Variants in INTS6 observed in about 807,000 individuals in gnomAD.
The protein encoded by INTS6 is integrator complex subunit 6.
In INTS6, 16 loss-of-function variants were observed where a neutral mutation model predicts 104.9. The observed-to-expected ratio is 0.15, with a 90% CI of 0.10 to 0.23. The LOEUF is 0.23. Among genes scored for constraint, INTS6 ranks in the 10% least tolerant of loss-of-function variants. INTS6 has a pLI of 1.00. For missense variants in INTS6, 584 were observed against 1,062.8 expected, an observed-to-expected ratio of 0.55 and a Z score of 6.26; for synonymous variants, 324 against 358.7, an observed-to-expected ratio of 0.90 and a Z score of 1.09.
intron 3 of INTS6, chr13:51,439,932 GAGTGTA>G (rs1279865104): frequency 6.6e-6 from 1 of 152,090 alleles, no homozygotes; most frequent in African/African-American, 2.4e-5. Context: ...CTAGAAAAAT[GAGTGTA>G]AGTCTTAGTT....
At chr13:51,412,688 C>T (rs146546428) in intron 4 of INTS6, among the ~76,000 whole-genome samples, 29 of 152,214 alleles carry the variant, frequency 1.9e-4, no homozygotes, top group African/African-American at 6.3e-4. Flanking sequence ...ATAAGGGATA[C>T]CTGAAGTACT....
chr13:51,402,641 A>T (rs1309196653), intron 4 of INTS6: 1 of 152,220 alleles, frequency 6.6e-6, no homozygotes, highest in Admixed American at 6.5e-5. Context: ...TTACGTCATC[A>T]TCTTCGTAGC....
chr13:51,377,275 T>C (rs1014352508), intron 12 of INTS6, among the ~76,000 whole-genome samples: 2 of 152,138 alleles, frequency 1.3e-5, no homozygotes, highest in African/African-American at 4.8e-5. Context: ...ACAAGTCCTT[T>C]ATTTGATATG....
At chr13:51,369,340 T>C (rs1364355929) in intron 15 of INTS6, 30 bp from the exon 16 acceptor site, 4 of 1,570,066 alleles carry the variant, frequency 2.5e-6, no homozygotes, top group Non-Finnish European at 3.5e-6. Context: ...GAAAAAATTA[T>C]GGGATCCAGT....
At chr13:51,355,000 G>C (rs1566195008) in intron 3 of INTS6, 1 of 976,238 alleles carries the variant, frequency 1.0e-6, no homozygotes, top group African/African-American at 1.6e-5. Context: ...AAAGTATATT[G>C]AGTGAGAATT....
intron 12 of INTS6, among the ~76,000 whole-genome samples, chr13:51,377,518 G>C (rs1010834443): frequency 6.6e-6 from 1 of 151,970 alleles, no homozygotes; most frequent in African/African-American, 2.4e-5. Context: ...TGAGGTAATG[G>C]TCAAATTCAT....
At chr13:51,422,371 G>C (rs1956910763) in intron 4 of INTS6, among the ~76,000 whole-genome samples, 1 of 152,164 alleles carries the variant, frequency 6.6e-6, no homozygotes, top group South Asian at 2.1e-4. Context: ...CATGCACACA[G>C]ATGGACAATG....
At position 51,452,370 on chromosome 13, in the gene INTS6, G is replaced by C; in HGVS notation, c.111+45C>G. On this transcript the variant is annotated intron_variant, in intron 1 of 17. Transcript: ENST00000311234. The surrounding 1 kb of genome is among the most constrained non-coding windows in gnomAD (Gnocchi z 4.2). ...CGCCCTCCCCCACCCTGCCGCCCGC[G>C]GGCCGCCGGGCCGGGGTCGCCGCCC... is the stretch of plus-strand genomic sequence containing the variant. 6.7e-7 allele frequency: 1 copy of C among 1,484,470 alleles called. No individual in the cohort carries two copies. The highest frequency in any genetic ancestry group is 9.0e-7 in the Non-Finnish European group (1 of 1,114,224). 92.0% of individuals were successfully genotyped at this position (1,484,470 alleles called of 1,614,324 possible).
chr13:51,351,098 C>T (rs1368099413), downstream of INTS6, among the ~76,000 whole-genome samples: 1 of 152,072 alleles, frequency 6.6e-6, no homozygotes, highest in Admixed American at 6.6e-5. Flanking sequence ...AACTTCTTGG[C>T]CACCAGAAAC....
chr13:51,390,888 T>C (rs572841873), intron 5 of INTS6, among the ~76,000 whole-genome samples: 1 of 152,210 alleles, frequency 6.6e-6, no homozygotes, highest in African/African-American at 2.4e-5. Context: ...TCAGCAACAA[T>C]TGTATGGGTT....
intron 15 of INTS6, among the ~76,000 whole-genome samples, chr13:51,369,734 T>C (rs1955768966): frequency 2.0e-5 from 3 of 152,166 alleles, no homozygotes; most frequent in African/African-American, 7.2e-5. Context: ...AAGTAAACAC[T>C]GGGTAGTTTT....
In INTS6 at chr13:51,374,638, A is replaced by T; in HGVS notation, c.1872+16T>A. 1.9e-6 allele frequency: 3 copies of T among 1,612,334 alleles called. No homozygotes were observed. The highest frequency in any genetic ancestry group is 2.5e-6 in the Non-Finnish European group (3 of 1,179,620). On this transcript the variant is annotated intron_variant, in intron 14 of 17. Transcript: ENST00000311234. The stretch of plus-strand genomic sequence containing the variant: ...CTACCATAAACAAATTACATAATAG[A>T]ACATTTCAAAATTACCTTCTTATCC...
intron 4 of INTS6, among the ~76,000 whole-genome samples, chr13:51,416,472 G>A (rs1050723685): frequency 6.6e-6 from 1 of 152,132 alleles, no homozygotes; most frequent in African/African-American, 2.4e-5. Flanking sequence ...TCATATAAAT[G>A]GAAATTTGCA....
intron 4 of INTS6, among the ~76,000 whole-genome samples, chr13:51,396,385 T>C (rs886483490): frequency 1.3e-5 from 2 of 152,154 alleles, no homozygotes; most frequent in African/African-American, 2.4e-5. Flanking sequence ...TTATTAATAA[T>C]AGATGTTTCT....
chr13:51,335,310 C>A, the INTS6 span, among the ~76,000 whole-genome samples: 1 of 152,088 alleles, frequency 6.6e-6, no homozygotes, highest in Non-Finnish European at 1.5e-5. Flanking sequence ...AAGAAAACAA[C>A]AACCACAATA....
chr13:51,452,693 T>C lies in INTS6; in HGVS notation c.-168A>G, dbSNP rs577978239. On this transcript the variant is annotated 5_prime_UTR_variant, in exon 1 of 18. Coordinates refer to ENST00000311234, the MANE Select transcript of INTS6 (RefSeq NM_012141.3). The surrounding 1 kb of genome is among the most constrained non-coding windows in gnomAD (Gnocchi z 4.2). Reference sequence around the variant, plus strand: ...CGGCTGCGGGGAGTTTCTCCCCCGATAGTTGAGAGGAAACTCCCCAGACCC... The same window carrying C: ...CGGCTGCGGGGAGTTTCTCCCCCGACAGTTGAGAGGAAACTCCCCAGACCC... The C allele has an allele frequency of 4.2e-5, 58 of 1,376,528 alleles. No individual in the cohort carries two copies. In the East Asian group the frequency reaches 1.7e-3, roughly 41 times the overall value. The allele number at this position is 1,376,528 out of a possible 1,614,324, so 85.3% of individuals were successfully genotyped here. A position where few individuals can be genotyped will look rare whatever the true frequency, so the allele number is the denominator to read the frequency against.
downstream of INTS6, among the ~76,000 whole-genome samples, chr13:51,359,972 A>C (rs1240594763): frequency 6.6e-6 from 1 of 152,012 alleles, no homozygotes; most frequent in Non-Finnish European, 1.5e-5. Context: ...ATTGATTTTT[A>C]CTTCCTCTGG....
chr13:51,366,859 G>T (rs1215745195), intron 17 of INTS6, among the ~76,000 whole-genome samples: 1 of 151,962 alleles, frequency 6.6e-6, no homozygotes, highest in African/African-American at 2.4e-5. Context: ...ACATTTAGAA[G>T]GTGGGATGTG....
At chr13:51,382,517 C>T (rs1258808625) in intron 9 of INTS6, among the ~76,000 whole-genome samples, 1 of 152,142 alleles carries the variant, frequency 6.6e-6, no homozygotes, top group African/African-American at 2.4e-5. Context: ...CAACAGCACT[C>T]CTCAAAAATG....
Sources: allele counts gnomAD v4.1 joint callset (sites outside exome capture counted in the v4.1 genomes callset), GRCh38; gene constraint gnomAD v4.1.1; non-coding constraint Gnocchi (gnomAD v3.1); transcripts MANE v1.5; gene names NCBI Gene and HGNC (gene_info 2026-07-23, HGNC 2026-07-21).